The following GATAD1 variants were observed in gnomAD, a reference collection of about 807,000 sequenced individuals.
GATAD1 encodes the protein GATA zinc finger domain-containing protein 1.
In GATAD1, 12 loss-of-function variants were observed where a neutral mutation model predicts 26.5. The ratio of observed to expected loss-of-function variants is 0.45; its 90% CI spans 0.29 to 0.73. The LOEUF (loss-of-function observed/expected upper bound fraction) is 0.73, where lower values mean the gene tolerates loss of function less well. Among genes scored for constraint, GATAD1 ranks in the 30% least tolerant of loss-of-function variants. The pLI, the probability that GATAD1 is intolerant of heterozygous loss-of-function variation, is 0.10. For missense variants in GATAD1, 266 were observed against 342.1 expected (o/e 0.78, Z 1.75); for synonymous variants, 129 against 133.1 (o/e 0.97, Z 0.21).
rs1347377977 is a variant in GATAD1 at position 92,457,665 on chromosome 7, A to G, written c.*1103A>G. ...TTGTATTTTTCTATAAGAACAAAAT[A>G]TTAATTAAGGTATAGATGACTGACC... On this transcript the variant is annotated 3_prime_UTR_variant, in exon 5 of 5. Transcript: ENST00000287957. 2.0e-5 allele frequency: 3 copies of G among 152,230 alleles called. No individual in the cohort carries two copies. The highest frequency in any genetic ancestry group is 4.8e-5 in the African/African-American group (2 of 41,452). 9.4% of individuals were successfully genotyped at this position (152,230 alleles called of 1,614,324 possible).
At chr7:92,468,554 G>A in the GATAD1 span, 15 of 436,980 alleles carry the variant, frequency 3.4e-5, no homozygotes, top group East Asian at 5.8e-4. Flanking sequence ...TTTACCTCCT[G>A]TCTTTGCCTA....
At chr7:92,470,584 G>A in the GATAD1 span, 1 of 508,220 alleles carries the variant, frequency 2.0e-6, no homozygotes, top group Non-Finnish European at 3.5e-6. Flanking sequence ...TAAAATGACT[G>A]GGTAGGGTCC....
At chr7:92,463,677 A>G (rs1790002945), downstream of GATAD1, among the ~76,000 whole-genome samples, 1 of 149,964 alleles carries the variant, frequency 6.7e-6, no homozygotes. Flanking sequence ...AAAAAAAAAA[A>G]AAGGTTGATA....
At chr7:92,493,814 A>T in the GATAD1 span, 2 of 187,178 alleles carry the variant, frequency 1.1e-5, no homozygotes, top group South Asian at 2.2e-4. Flanking sequence ...ACCTTTGACT[A>T]TTCATTTGTC....
the GATAD1 span, chr7:92,491,469 G>A: frequency 3.7e-6 from 6 of 1,612,818 alleles, no homozygotes; most frequent in African/African-American, 4.0e-5. Context: ...ATTGAAGACA[G>A]ACTTAGGTCA....
the GATAD1 span, chr7:92,468,821 C>G: frequency 1.3e-6 from 1 of 763,524 alleles, no homozygotes; most frequent in East Asian, 2.4e-5. Flanking sequence ...GAGATTTCCT[C>G]AGGAGGGGTG....
chr7:92,469,336 T>C, the GATAD1 span: 873 of 764,986 alleles, frequency 1.1e-3, 6 homozygotes, highest in African/African-American at 0.014. Context: ...TTGAGATAGT[T>C]TGTAGTAGAA....
At chr7:92,481,156 A>T in the GATAD1 span, among the ~76,000 whole-genome samples, 15 of 152,206 alleles carry the variant, frequency 9.9e-5, no homozygotes, top group Non-Finnish European at 4.4e-5. Flanking sequence ...AACTGCCGTC[A>T]GTAAACCAAA....
intron 1 of GATAD1, 30 bp downstream of exon 1, chr7:92,448,008 G>T: frequency 8.3e-7 from 1 of 1,208,410 alleles, no homozygotes; most frequent in Non-Finnish European, 1.0e-6. Context: ...CCCGCCGGCG[G>T]AGGCCGACCA....
intron 2 of GATAD1, chr7:92,449,514 TG>T (rs1789327060): frequency 1.0e-6 from 1 of 975,662 alleles, no homozygotes; most frequent in Non-Finnish European, 1.2e-6. Context: ...CAGTGGACAG[TG>T]CATTATGGAC....
the GATAD1 span, chr7:92,493,955 G>T: frequency 3.5e-6 from 1 of 288,690 alleles, no homozygotes; most frequent in East Asian, 8.7e-5. Context: ...TCACATGCTT[G>T]ATTCTGTATC....
At chr7:92,462,373 A>C (rs1789949795), downstream of GATAD1, among the ~76,000 whole-genome samples, 1 of 151,886 alleles carries the variant, frequency 6.6e-6, no homozygotes, top group Non-Finnish European at 1.5e-5. Context: ...TTTTGTAAAA[A>C]AAAAAAACAA....
At chr7:92,493,009 G>A in the GATAD1 span, 5 of 1,613,802 alleles carry the variant, frequency 3.1e-6, no homozygotes, top group Non-Finnish European at 4.2e-6. Flanking sequence ...GCATTGTAAA[G>A]TAAAGCTTTC....
rs1191567057 is a variant in GATAD1 at position 92,447,518 on chromosome 7, G to A, written c.-212G>A. 1 of 448,668 alleles carries A rather than the reference G, an allele frequency of 2.2e-6. No individual in the cohort carries two copies. Among genetic ancestry groups the A allele is most frequent in the African/African-American group, 2.1e-5 (1 of 48,220 alleles). 27.8% of individuals were successfully genotyped at this position (448,668 alleles called of 1,614,324 possible). A position where few individuals can be genotyped will look rare whatever the true frequency, so the allele number is the denominator to read the frequency against. On this transcript the variant is annotated 5_prime_UTR_variant, in exon 1 of 5. Transcript: ENST00000287957. ...CTGCTTCCCAGTGCCTCGGGCCAGG[G>A]AATCCTGGCCTCCGCCTGCGGAGCC...
At chr7:92,487,605 G>T in the GATAD1 span, 290 of 704,960 alleles carry the variant, frequency 4.1e-4, 2 homozygotes, top group African/African-American at 4.7e-3. Flanking sequence ...AAAGATAATG[G>T]ATTGTTGGCA....
the GATAD1 span, chr7:92,469,496 G>C: frequency 2.6e-6 from 2 of 768,846 alleles, no homozygotes; most frequent in South Asian, 1.4e-5. Context: ...ATGGTCATAG[G>C]GGGCACTAAG....
chr7:92,477,781 C>T, the GATAD1 span: 2 of 181,526 alleles, frequency 1.1e-5, no homozygotes, highest in Non-Finnish European at 2.2e-5. Flanking sequence ...TGGGAGTCAG[C>T]GGCAGGTCTG....
intron 2 of GATAD1, chr7:92,449,481 A>G (rs1392874356): frequency 6.2e-6 from 6 of 974,940 alleles, no homozygotes; most frequent in Non-Finnish European, 7.3e-6. Flanking sequence ...CAGTTTTTAT[A>G]AACAAGGGAT....
At chr7:92,460,311 G>A (rs987020617), downstream of GATAD1, among the ~76,000 whole-genome samples, 1 of 152,126 alleles carries the variant, frequency 6.6e-6, no homozygotes, top group African/African-American at 2.4e-5. Context: ...GCTGCCCTGG[G>A]GATGTTTGAA....
Sources: allele counts gnomAD v4.1 joint callset (sites outside exome capture counted in the v4.1 genomes callset), GRCh38; gene constraint gnomAD v4.1.1; transcripts MANE v1.5; gene names NCBI Gene and HGNC (gene_info 2026-07-23, HGNC 2026-07-21).